SMOC2: variants seen among roughly 807,000 people sequenced by gnomAD.
The protein encoded by SMOC2 is SPARC related modular calcium binding 2, also known as SPARC-related modular calcium-binding protein 2.
Under a neutral mutation model 61.4 loss-of-function variants are expected in SMOC2, and 39 were observed. The observed-to-expected ratio is 0.64, with a 90% CI of 0.49 to 0.83. The LOEUF is 0.83. Ranked by LOEUF, SMOC2 falls within the 40% of genes least tolerant of loss-of-function variation. SMOC2 has a pLI of 0.00. For missense variants in SMOC2, 556 were observed against 592.9 expected (o/e 0.94, Z 0.65); for synonymous variants, 247 against 239.9 (o/e 1.03, Z -0.27).
chr6:168,637,852 G>A (rs1184244504), intron 9 of SMOC2, among the ~76,000 whole-genome samples: 1 of 152,212 alleles, frequency 6.6e-6, no homozygotes, highest in Non-Finnish European at 1.5e-5. Flanking sequence ...CTACGGGGAA[G>A]GGGAAGCTGG....
chr6:168,625,806 C>G (rs1045938211), intron 9 of SMOC2, among the ~76,000 whole-genome samples: 14 of 152,222 alleles, frequency 9.2e-5, no homozygotes, highest in African/African-American at 4.8e-5. Flanking sequence ...GCCGCTCCAG[C>G]TCCACCGCTG....
At position 168,452,390 on chromosome 6, in the gene SMOC2, C is replaced by A. The variant is rs1442158578; in HGVS notation, c.84+10936C>A. 6.6e-6 allele frequency among the ~76,000 whole-genome samples: 1 copy of A among 152,172 alleles called. No homozygotes were observed. The highest frequency in any genetic ancestry group is 2.4e-5 in the African/African-American group (1 of 41,432). On this transcript the variant is annotated intron_variant, in intron 1 of 12. Coordinates refer to ENST00000356284, the MANE Select transcript of SMOC2 (RefSeq NM_001166412.2). This position sits in a 1 kb window ranked among gnomAD's most constrained non-coding sequence, Gnocchi z 5.0. ...GCAGGGGGAGTGTGAGGCGGGCTGC[C>A]TGCCTGGGGCCTGGACTGGCTAAAT...
chr6:168,519,492 C>T (rs762967111), intron 2 of SMOC2, among the ~76,000 whole-genome samples: 2 of 152,148 alleles, frequency 1.3e-5, no homozygotes, highest in Admixed American at 6.5e-5. Context: ...TGTTTGGGAG[C>T]GCCCTTCCTC....
chr6:168,538,406 G>A (rs1783794412), intron 4 of SMOC2, among the ~76,000 whole-genome samples: 1 of 110,576 alleles, frequency 9.0e-6, no homozygotes. Flanking sequence ...CTGCTGGCAT[G>A]TAGGGGAGTG....
intron 11 of SMOC2, among the ~76,000 whole-genome samples, chr6:168,654,309 TA>T (rs1373911326): frequency 4.2e-4 from 16 of 37,920 alleles, no homozygotes; most frequent in South Asian, 2.0e-3. Flanking sequence ...ACCAACCCTC[TA>T]CCTGAGCTCC....
intron 1 of SMOC2, among the ~76,000 whole-genome samples, chr6:168,502,984 T>G (rs1481229909): frequency 6.6e-6 from 1 of 151,460 alleles, no homozygotes; most frequent in Non-Finnish European, 1.5e-5. Context: ...GCCAGGATGG[T>G]CTTGATCTCC....
At chr6:168,500,491 G>A (rs1047200408) in intron 1 of SMOC2, among the ~76,000 whole-genome samples, 7 of 152,176 alleles carry the variant, frequency 4.6e-5, no homozygotes, top group African/African-American at 1.7e-4. Flanking sequence ...CCCTCACGGA[G>A]GTGTTCTAGG....
At chr6:168,577,764 G>C (rs1001310601) in intron 7 of SMOC2, among the ~76,000 whole-genome samples, 2 of 152,166 alleles carry the variant, frequency 1.3e-5, no homozygotes, top group Admixed American at 1.3e-4. Context: ...CATCGACAGA[G>C]CCCTGTTGAG....
At chr6:168,543,524 A>G in intron 4 of SMOC2, 101 bp from the exon 5 acceptor site, 1 of 1,052,588 alleles carries the variant, frequency 9.5e-7, no homozygotes, top group South Asian at 1.4e-5. Flanking sequence ...AAGCACGGCA[A>G]ATTAGTCAAA....
chr6:168,583,921 G>T (rs1256652430), intron 7 of SMOC2, among the ~76,000 whole-genome samples: 1 of 152,230 alleles, frequency 6.6e-6, no homozygotes, highest in Non-Finnish European at 1.5e-5. Context: ...CGCTCCGTCA[G>T]GGATGAGGCT....
intron 9 of SMOC2, among the ~76,000 whole-genome samples, chr6:168,614,087 G>A (rs1334130882): frequency 2.0e-5 from 2 of 99,300 alleles, no homozygotes; most frequent in East Asian, 3.5e-4. Flanking sequence ...CCAGCACAGG[G>A]CCTCTTCATA....
chr6:168,513,761 C>T (rs1783065018), intron 2 of SMOC2, among the ~76,000 whole-genome samples: 2 of 152,202 alleles, frequency 1.3e-5, no homozygotes, highest in South Asian at 2.1e-4. Context: ...TCAGGGAGCT[C>T]GTCTCTTCAT....
Position 168,667,936 on chromosome 6 carries a change from T to C in SMOC2, c.*1498T>C, listed in dbSNP as rs1787703119. Reference sequence around the variant, plus strand: ...CTTTTTGGATAATCTTTTATATTTCTGACCTTTGAATTTAATCATTGTTCT... The same window carrying C: ...CTTTTTGGATAATCTTTTATATTTCCGACCTTTGAATTTAATCATTGTTCT... On this transcript the variant is annotated 3_prime_UTR_variant, in exon 13 of 13. Coordinates refer to ENST00000356284, the MANE Select transcript of SMOC2 (RefSeq NM_001166412.2). The C allele has an allele frequency of 6.6e-6, 1 of 152,254 alleles. No individual in the cohort carries two copies. The highest frequency in any genetic ancestry group is 1.5e-5 in the Non-Finnish European group (1 of 68,038). The allele number at this position is 152,254 out of a possible 1,614,324, so 9.4% of individuals were successfully genotyped here.
intron 1 of SMOC2, among the ~76,000 whole-genome samples, chr6:168,443,326 C>T (rs754418502): frequency 2.6e-5 from 4 of 152,158 alleles, no homozygotes; most frequent in African/African-American, 4.8e-5. Context: ...TCTCATCTAA[C>T]TATTTACTTG....
chr6:168,601,319 C>T (rs1377375143), intron 8 of SMOC2, among the ~76,000 whole-genome samples: 11 of 152,200 alleles, frequency 7.2e-5, no homozygotes, highest in East Asian at 1.9e-4. Flanking sequence ...CTCCACCGTC[C>T]GGCCGCCCTG....
rs969218870 is a variant in SMOC2 at position 168,475,408 on chromosome 6, G to A, written c.84+33954G>A. 4.6e-5 allele frequency among the ~76,000 whole-genome samples: 7 copies of A among 152,124 alleles called. No homozygotes were observed. Among genetic ancestry groups the A allele is most frequent in the African/African-American group, 1.7e-4 (7 of 41,432 alleles). The stretch of plus-strand genomic sequence containing the variant: ...TCCCAGGCACAGGTGGAAACACGTG[G>A]TGCGTACAACCTTGCTCAATCCCTC... On this transcript the variant is annotated intron_variant, in intron 1 of 12. Transcript: ENST00000356284. The surrounding 1 kb of genome is among the most constrained non-coding windows in gnomAD (Gnocchi z 4.6).
chr6:168,614,887 GGA>G (rs1206617094), intron 9 of SMOC2, among the ~76,000 whole-genome samples: 1 of 7,692 alleles, frequency 1.3e-4, no homozygotes, highest in Non-Finnish European at 3.0e-4. Context: ...CCAGCACAGG[GGA>G]CCTCTTCACA....
At chr6:168,660,152 G>A (rs993282095) in intron 11 of SMOC2, among the ~76,000 whole-genome samples, 10 of 152,106 alleles carry the variant, frequency 6.6e-5, no homozygotes, top group Non-Finnish European at 1.2e-4. Flanking sequence ...ATTAGATAAA[G>A]AAAATGAAAG....
At chr6:168,518,120 C>A (rs937023912) in intron 2 of SMOC2, among the ~76,000 whole-genome samples, 1 of 152,246 alleles carries the variant, frequency 6.6e-6, no homozygotes, top group Non-Finnish European at 1.5e-5. Context: ...TCCACAGCCT[C>A]GCCTTGGAGG....
Sources: allele counts gnomAD v4.1 joint callset (sites outside exome capture counted in the v4.1 genomes callset), GRCh38; gene constraint gnomAD v4.1.1; non-coding constraint Gnocchi (gnomAD v3.1); transcripts MANE v1.5; gene names NCBI Gene and HGNC (gene_info 2026-07-23, HGNC 2026-07-21).